The following OTUD7A variants were observed in gnomAD, a reference collection of about 807,000 sequenced individuals.
OTUD7A encodes OTU deubiquitinase 7A.
Under a neutral mutation model 65.7 loss-of-function variants are expected in OTUD7A, and 12 were observed. That is an observed-to-expected ratio of 0.18 (90% CI 0.12 to 0.30). OTUD7A has a LOEUF of 0.30. OTUD7A is among the 10% of genes least tolerant of loss of function. OTUD7A has a pLI of 1.00. For missense variants in OTUD7A, 1,148 were observed against 1,304.8 expected (o/e 0.88, Z 1.85); for synonymous variants, 641 against 586.3 (o/e 1.09, Z -1.35).
At chr15:31,738,275 C>T (rs1894247256) in intron 1 of OTUD7A, among the ~76,000 whole-genome samples, 1 of 151,950 alleles carries the variant, frequency 6.6e-6, no homozygotes, top group Non-Finnish European at 1.5e-5. Context: ...TCCATGGGGC[C>T]AGATGAGGAC....
intron 1 of OTUD7A, among the ~76,000 whole-genome samples, chr15:31,855,785 G>C (rs556712704): frequency 6.6e-6 from 1 of 152,314 alleles, no homozygotes; most frequent in East Asian, 1.9e-4. Context: ...TAAATACACA[G>C]TAGTTTGCAA....
chr15:31,860,237 A>C (rs1345082544), intron 1 of OTUD7A, among the ~76,000 whole-genome samples: 1 of 152,176 alleles, frequency 6.6e-6, no homozygotes, highest in East Asian at 1.9e-4. Flanking sequence ...ACTAATCAGT[A>C]AATTATCTGG....
At chr15:31,530,537 G>A (rs1402177571) in intron 6 of OTUD7A, among the ~76,000 whole-genome samples, 170 bp downstream of exon 6, 1 of 152,242 alleles carries the variant, frequency 6.6e-6, no homozygotes, top group Non-Finnish European at 1.5e-5. Context: ...TACTTGACAA[G>A]AAGGGCCAGG....
intron 1 of OTUD7A, among the ~76,000 whole-genome samples, chr15:31,803,322 A>C (rs1249993686): frequency 6.6e-6 from 1 of 152,178 alleles, no homozygotes; most frequent in Non-Finnish European, 1.5e-5. Flanking sequence ...AAAAAAAGTT[A>C]TTTGCTAAAA....
At chr15:31,624,345 A>G (rs1890888253) in intron 3 of OTUD7A, among the ~76,000 whole-genome samples, 1 of 152,284 alleles carries the variant, frequency 6.6e-6, no homozygotes, top group African/African-American at 2.4e-5. Flanking sequence ...ATATTTCACA[A>G]GAAACCATGG....
chr15:31,802,105 G>A lies in OTUD7A; in HGVS notation c.-100+68402C>T, dbSNP rs1312802414. ...GGAATATATATGTGTGTGTATATAT[G>A]TGTGTGTGTGTGTGTGTGTGTGTGT... On this transcript the variant is annotated intron_variant, in intron 1 of 12. Coordinates refer to ENST00000307050, the MANE Select transcript of OTUD7A (RefSeq NM_001382637.1). Among the ~76,000 whole-genome samples, 25 of 15,368 alleles carry A rather than the reference G, an allele frequency of 1.6e-3. No homozygotes were observed. In the South Asian group the frequency reaches 0.043, roughly 26 times the overall value. 10.1% of individuals were successfully genotyped at this position (15,368 alleles called of 152,430 possible).
rs145280267 is a variant in OTUD7A, at chr15:31,815,438, T to C, written c.-100+55069A>G. On this transcript the variant is annotated intron_variant, in intron 1 of 12. Coordinates refer to ENST00000307050, the MANE Select transcript of OTUD7A (RefSeq NM_001382637.1). ...CATCCCTCAAGGGTGGCTGGGGTGA[T>C]GTACAATCATTCTGACTTACAGATG... Among the ~76,000 whole-genome samples the C allele has an allele frequency of 1.4e-3, 207 of 152,352 alleles. 2 individuals are homozygous for C. Among genetic ancestry groups the C allele is most frequent in the African/African-American group, 4.8e-3 (198 of 41,592 alleles).
At chr15:31,846,535 C>T (rs994376819) in intron 1 of OTUD7A, among the ~76,000 whole-genome samples, 15 of 152,100 alleles carry the variant, frequency 9.9e-5, no homozygotes, top group African/African-American at 3.1e-4. Flanking sequence ...ATGGCTCACT[C>T]GTCTCCAATG....
intron 10 of OTUD7A, among the ~76,000 whole-genome samples, chr15:31,488,999 C>G (rs557068236): frequency 6.6e-6 from 1 of 152,312 alleles, no homozygotes; most frequent in East Asian, 1.9e-4. Flanking sequence ...TCTGCCTTGA[C>G]GTGGCCACCC....
At chr15:31,736,306 A>G (rs995650994) in intron 1 of OTUD7A, among the ~76,000 whole-genome samples, 4 of 152,184 alleles carry the variant, frequency 2.6e-5, no homozygotes, top group East Asian at 1.9e-4. Context: ...CACCCCCCCA[A>G]AAAAAAGATT....
At chr15:31,835,246 TTG>T (rs1318860725) in intron 1 of OTUD7A, among the ~76,000 whole-genome samples, 1 of 152,272 alleles carries the variant, frequency 6.6e-6, no homozygotes, top group African/African-American at 2.4e-5. Flanking sequence ...CCAATTCATC[TTG>T]AACTTCAGAT....
At chr15:31,680,663 A>G (rs1237878609) in intron 1 of OTUD7A, among the ~76,000 whole-genome samples, 1 of 152,080 alleles carries the variant, frequency 6.6e-6, no homozygotes, top group Non-Finnish European at 1.5e-5. Context: ...CACATAATAA[A>G]CCATACTTCA....
intron 1 of OTUD7A, among the ~76,000 whole-genome samples, chr15:31,670,901 A>G (rs1326171998): frequency 6.6e-6 from 1 of 152,036 alleles, no homozygotes; most frequent in Non-Finnish European, 1.5e-5. Context: ...AGGCTGAGAC[A>G]GGAGAATGGC....
intron 1 of OTUD7A, among the ~76,000 whole-genome samples, chr15:31,663,441 C>A (rs542991281): frequency 1.4e-5 from 2 of 145,902 alleles, no homozygotes; most frequent in African/African-American, 2.6e-5. Flanking sequence ...CCATCCCCCC[C>A]ACCCCCCGAC....
intron 3 of OTUD7A, among the ~76,000 whole-genome samples, chr15:31,653,809 C>G (rs961694218): frequency 1.3e-5 from 2 of 152,138 alleles, no homozygotes; most frequent in African/African-American, 4.8e-5. Flanking sequence ...CTCTTGCTTC[C>G]TATAAGGCTG....
At chr15:31,681,383 C>G (rs1357859826) in intron 1 of OTUD7A, among the ~76,000 whole-genome samples, 3 of 152,048 alleles carry the variant, frequency 2.0e-5, no homozygotes, top group Admixed American at 2.0e-4. Context: ...GTCTGTAGGT[C>G]TTTGTGCTAT....
At chr15:31,672,714 T>A (rs1299615684) in intron 1 of OTUD7A, among the ~76,000 whole-genome samples, 1 of 152,230 alleles carries the variant, frequency 6.6e-6, no homozygotes, top group African/African-American at 2.4e-5. Context: ...GGTCAAAACA[T>A]CTGGTGCCTT....
At chr15:31,737,021 T>C (rs1009447419) in intron 1 of OTUD7A, among the ~76,000 whole-genome samples, 1 of 152,108 alleles carries the variant, frequency 6.6e-6, no homozygotes, top group East Asian at 1.9e-4. Flanking sequence ...AGGGTTTCAC[T>C]GTGTTGCCCA....
chr15:31,503,450 G>T (rs2041504934), intron 9 of OTUD7A, among the ~76,000 whole-genome samples: 1 of 152,172 alleles, frequency 6.6e-6, no homozygotes, highest in African/African-American at 2.4e-5. Flanking sequence ...CTCTGGGCTT[G>T]GTCCTGGTCC....
Sources: gnomAD v4.1 joint callset for allele counts (sites outside exome capture counted in the v4.1 genomes callset) on GRCh38, gnomAD v4.1.1 for gene constraint, MANE v1.5 for transcripts, NCBI Gene and HGNC (gene_info 2026-07-23, HGNC 2026-07-21) for gene names.